The following PDE1A variants were observed in gnomAD, a reference collection of about 807,000 sequenced individuals.
PDE1A encodes the protein dual specificity calcium/calmodulin-dependent 3',5'-cyclic nucleotide phosphodiesterase 1A.
In PDE1A, 35 loss-of-function variants were observed where a neutral mutation model predicts 61.7. That is an observed-to-expected ratio of 0.57 (90% confidence interval 0.43 to 0.75). The LOEUF is 0.75. Ranked by LOEUF, PDE1A falls within the 30% of genes least tolerant of loss-of-function variation. The pLI, the probability that PDE1A is intolerant of heterozygous loss-of-function variation, is 0.00. For missense variants in PDE1A, 597 were observed against 630.6 expected, an observed-to-expected ratio of 0.95 and a Z score of 0.57; for synonymous variants, 232 against 213.2, an observed-to-expected ratio of 1.09 and a Z score of -0.77.
chr2:182,556,521 C>A, the PDE1A span, among the ~76,000 whole-genome samples: 1 of 152,086 alleles, frequency 6.6e-6, no homozygotes, highest in Non-Finnish European at 1.5e-5. Flanking sequence ...CAAGCACCAG[C>A]AAACAATCAG....
the PDE1A span, among the ~76,000 whole-genome samples, chr2:182,555,914 C>G: frequency 7.7e-6 from 1 of 129,534 alleles, no homozygotes; most frequent in Non-Finnish European, 1.5e-5. Context: ...TTGCAGTAAG[C>G]CGAGATGTCG....
chr2:182,230,294 T>G, intron 5 of PDE1A, 148 bp from the exon 6 acceptor site: 2 of 606,936 alleles, frequency 3.3e-6, no homozygotes, highest in Non-Finnish European at 2.8e-6. Flanking sequence ...AAAAACCACT[T>G]CATGAACATG....
chr2:182,375,413 A>T lies in PDE1A; in HGVS notation c.53+51165T>A, dbSNP rs544434544. On this transcript the variant is annotated intron_variant, in intron 1 of 13. Transcript: ENST00000351439. ...ATGGGAGAAATTGATGAAAATCTGA[A>T]ATCTTCCAGGACAGTCAAATTTTAA... Among the ~76,000 whole-genome samples the T allele has an allele frequency of 5.3e-5, 8 of 152,242 alleles. No individual in the cohort carries two copies. The South Asian group carries it at 1.7e-3, about 32-fold the overall frequency.
At chr2:182,581,192 A>G in the PDE1A span, among the ~76,000 whole-genome samples, 1 of 152,332 alleles carries the variant, frequency 6.6e-6, no homozygotes, top group Non-Finnish European at 1.5e-5. Flanking sequence ...ACCTATTTTC[A>G]TAATTGTTGC....
the PDE1A span, among the ~76,000 whole-genome samples, chr2:182,714,242 G>A: frequency 4.5e-4 from 68 of 152,172 alleles, no homozygotes; most frequent in African/African-American, 1.5e-3. Flanking sequence ...TTCTTTTTCC[G>A]TGTGTGCTTT....
chr2:182,696,500 G>A, the PDE1A span, among the ~76,000 whole-genome samples: 2 of 152,168 alleles, frequency 1.3e-5, no homozygotes, highest in South Asian at 2.1e-4. Flanking sequence ...GGCAGAGTGC[G>A]GAGGATGTTT....
At chr2:182,588,388 T>C in the PDE1A span, among the ~76,000 whole-genome samples, 1 of 152,208 alleles carries the variant, frequency 6.6e-6, no homozygotes, top group Non-Finnish European at 1.5e-5. Flanking sequence ...AAAGTTCCTG[T>C]AGTTTTAAAT....
At chr2:182,577,835 G>A in the PDE1A span, among the ~76,000 whole-genome samples, 5 of 151,950 alleles carry the variant, frequency 3.3e-5, no homozygotes, top group Non-Finnish European at 7.4e-5. Context: ...TAGGAGAATC[G>A]CTTGAACCTG....
intron 2 of PDE1A, among the ~76,000 whole-genome samples, chr2:182,442,744 G>T (rs1275327249): frequency 6.6e-6 from 1 of 151,918 alleles, no homozygotes; most frequent in Non-Finnish European, 1.5e-5. Flanking sequence ...TTTAAAACTT[G>T]TTGCAACTTT....
At chr2:182,445,343 T>C (rs908515227) in intron 2 of PDE1A, among the ~76,000 whole-genome samples, 2 of 152,128 alleles carry the variant, frequency 1.3e-5, no homozygotes, top group Admixed American at 1.3e-4. Flanking sequence ...ACAAATCATT[T>C]AGAGTAAATA....
At chr2:182,609,162 G>C in the PDE1A span, among the ~76,000 whole-genome samples, 1 of 152,092 alleles carries the variant, frequency 6.6e-6, no homozygotes, top group Non-Finnish European at 1.5e-5. Flanking sequence ...TACACCAATC[G>C]ACACTCTGTA....
chr2:182,335,962 T>C (rs753111357), intron 1 of PDE1A, among the ~76,000 whole-genome samples: 1 of 152,100 alleles, frequency 6.6e-6, no homozygotes, highest in Non-Finnish European at 1.5e-5. Context: ...GCAAAGGATA[T>C]GAACAGACAC....
intron 5 of PDE1A, 144 bp downstream of exon 5, chr2:182,230,871 T>A: frequency 1.6e-6 from 1 of 609,548 alleles, no homozygotes; most frequent in Non-Finnish European, 2.9e-6. Context: ...TTCTATCATA[T>A]AAAGACCTCA....
At chr2:182,378,573 A>AT (rs1209471775) in intron 1 of PDE1A, among the ~76,000 whole-genome samples, 1 of 152,186 alleles carries the variant, frequency 6.6e-6, no homozygotes, top group Non-Finnish European at 1.5e-5. Flanking sequence ...GACCATAGTG[A>AT]TTTTCCAAGT....
intron 1 of PDE1A, among the ~76,000 whole-genome samples, chr2:182,354,936 C>A (rs754993549): frequency 3.3e-5 from 5 of 151,700 alleles, no homozygotes; most frequent in African/African-American, 1.2e-4. Context: ...TAAAGTGAAC[C>A]AAAGTATTTT....
At chr2:182,350,672 T>C (rs1698820693) in intron 1 of PDE1A, among the ~76,000 whole-genome samples, 1 of 152,176 alleles carries the variant, frequency 6.6e-6, no homozygotes, top group South Asian at 2.1e-4. Context: ...AGATTCCTCA[T>C]TCACAGTCAA....
intron 2 of PDE1A, among the ~76,000 whole-genome samples, chr2:182,454,176 G>A (rs150631052): frequency 0.012 from 1,898 of 152,016 alleles, 26 homozygotes; most frequent in South Asian, 0.042. Context: ...GAATTGCTTC[G>A]AAGAGAATAA....
intron 7 of PDE1A, among the ~76,000 whole-genome samples, chr2:182,207,325 C>G (rs1202299597): frequency 2.0e-5 from 3 of 152,134 alleles, no homozygotes; most frequent in Admixed American, 6.5e-5. Flanking sequence ...TATTTGAGTA[C>G]TTATTTGAGT....
chr2:182,517,029 T>C (rs147103406), intron 2 of PDE1A, among the ~76,000 whole-genome samples: 131 of 152,284 alleles, frequency 8.6e-4, no homozygotes, highest in Admixed American at 2.0e-3. Context: ...GACGTGGACA[T>C]TTCTGGAGGG....
Sources: gnomAD v4.1 joint callset for allele counts (sites outside exome capture counted in the v4.1 genomes callset) on GRCh38, gnomAD v4.1.1 for gene constraint, MANE v1.5 for transcripts, NCBI Gene and HGNC (gene_info 2026-07-23, HGNC 2026-07-21) for gene names.